The following CRYBG1 variants were observed in gnomAD, a reference collection of about 807,000 sequenced individuals.
The protein encoded by CRYBG1 is beta/gamma crystallin domain-containing protein 1.
A neutral mutation model predicts 189.2 loss-of-function variants in CRYBG1; 139 were observed. The observed-to-expected ratio is 0.73, with a 90% CI of 0.64 to 0.85. CRYBG1 has a LOEUF of 0.85. Ranked by LOEUF, CRYBG1 falls within the 40% of genes least tolerant of loss-of-function variation. The pLI, the probability that CRYBG1 is intolerant of heterozygous loss-of-function variation, is 0.00. For synonymous variants in CRYBG1, 1,023 were observed against 1,017.1 expected, an observed-to-expected ratio of 1.01 and a Z score of -0.11; for missense variants, 2,611 against 2,675.8, an observed-to-expected ratio of 0.98 and a Z score of 0.53.
At chr6:106,499,962 C>G (rs942706392) in intron 2 of CRYBG1, among the ~76,000 whole-genome samples, 4 of 152,116 alleles carry the variant, frequency 2.6e-5, no homozygotes, top group Non-Finnish European at 5.9e-5. Context: ...GCACAGTGTC[C>G]TCCAGGTTCA....
intron 1 of CRYBG1, among the ~76,000 whole-genome samples, chr6:106,433,727 A>ATATATATG (rs1771385163): frequency 3.7e-5 from 2 of 54,076 alleles, no homozygotes; most frequent in African/African-American, 2.3e-4. Context: ...AAATATATAT[A>ATATATATG]TATATATACA....
rs1487521923 is a variant in CRYBG1 at position 106,558,515 on chromosome 6, T to C, written c.5745T>C (p.Phe1915=). The C allele has an allele frequency of 3.1e-6, 5 of 1,607,762 alleles. No homozygotes were observed. Among genetic ancestry groups the C allele is most frequent in the Non-Finnish European group, 4.3e-6 (5 of 1,175,830 alleles). Residue 1915 remains phenylalanine, a synonymous_variant, in exon 18 of 22, where the codon TTT becomes TTC. Coordinates refer to ENST00000633556, the MANE Select transcript of CRYBG1 (RefSeq NM_001371242.2). ...TTTCTGAACCAACAATTATTCTCTT[T>C]GAAAGAGAAGACTTCAAAGGAAAAA... The part of the protein sequence containing the change: ...VEFSEPTIIL[F]EREDFKGKKI...
intron 13 of CRYBG1, among the ~76,000 whole-genome samples, chr6:106,547,555 T>A (rs1774294151): frequency 6.6e-6 from 1 of 152,164 alleles, no homozygotes; most frequent in Non-Finnish European, 1.5e-5. Flanking sequence ...GGAGGAGGAC[T>A]ACCTATTCAC....
At chr6:106,418,099 G>A (rs1352597675) in intron 1 of CRYBG1, among the ~76,000 whole-genome samples, 2 of 152,248 alleles carry the variant, frequency 1.3e-5, no homozygotes, top group Non-Finnish European at 2.9e-5. Flanking sequence ...AAAACAGTGA[G>A]CAAAGCAGAA....
At chr6:106,450,958 A>C (rs1771771094) in intron 1 of CRYBG1, among the ~76,000 whole-genome samples, 1 of 152,232 alleles carries the variant, frequency 6.6e-6, no homozygotes, top group Non-Finnish European at 1.5e-5. Flanking sequence ...TGCCTAAATC[A>C]GTTACTGGTG....
At chr6:106,566,166 T>TG (rs1489566471) in intron 21 of CRYBG1, among the ~76,000 whole-genome samples, 3 of 108,136 alleles carry the variant, frequency 2.8e-5, no homozygotes, top group East Asian at 2.8e-4. Flanking sequence ...GGCACCAGCG[T>TG]GAAAAAAAAA....
intron 2 of CRYBG1, among the ~76,000 whole-genome samples, chr6:106,505,987 T>G (rs1773124467): frequency 6.6e-6 from 1 of 152,070 alleles, no homozygotes; most frequent in Non-Finnish European, 1.5e-5. Flanking sequence ...GATGCACAGG[T>G]GAGTACATGT....
chr6:106,555,481 G>C (rs567791935), intron 16 of CRYBG1, among the ~76,000 whole-genome samples: 4 of 152,116 alleles, frequency 2.6e-5, no homozygotes, highest in African/African-American at 9.7e-5. Flanking sequence ...CTGGGCAAAC[G>C]GTGGCACCCA....
intron 2 of CRYBG1, among the ~76,000 whole-genome samples, chr6:106,461,702 T>C (rs1562313648): frequency 6.6e-6 from 1 of 152,290 alleles, no homozygotes; most frequent in East Asian, 1.9e-4. Flanking sequence ...GGGGTGCACA[T>C]GTAGCTCCGG....
rs113141535 is a variant in CRYBG1 at position 106,570,010 on chromosome 6, G to GCAAA, written c.*1450_*1453dup. ...TCAACTGCAGTAAGCATTTCAAAATGCAAACAAACTGCTTAACAACTGACA... is the reference window on the plus strand; with the variant it reads ...TCAACTGCAGTAAGCATTTCAAAATGCAAACAAACAAACTGCTTAACAACTGACA... On this transcript the variant is annotated 3_prime_UTR_variant, in exon 22 of 22. Coordinates refer to ENST00000633556, the MANE Select transcript of CRYBG1 (RefSeq NM_001371242.2). 3.9e-5 allele frequency: 6 copies of GCAAA among 152,168 alleles called. No homozygotes were observed. Among genetic ancestry groups the GCAAA allele is most frequent in the African/African-American group, 1.4e-4 (6 of 41,430 alleles). The allele number at this position is 152,168 out of a possible 1,614,324, so 9.4% of individuals were successfully genotyped here.
In CRYBG1 at chr6:106,447,416, A is replaced by C. The variant is rs186175210; in HGVS notation, c.174-4278A>C. ...TATAGTGATAATAATGTAATTGTAC[A>C]CTTAAAAATAACTAAAAGAATATAA... is the stretch of plus-strand genomic sequence containing the variant. On this transcript the variant is annotated intron_variant, in intron 1 of 21. Transcript: ENST00000633556. Among the ~76,000 whole-genome samples, 342 of 152,234 alleles carry C rather than the reference A, an allele frequency of 2.2e-3. 1 individual carries two copies. The highest frequency in any genetic ancestry group is 7.8e-3 in the African/African-American group (322 of 41,542).
chr6:106,492,073 C>A (rs367945563), intron 2 of CRYBG1, among the ~76,000 whole-genome samples: 5 of 152,140 alleles, frequency 3.3e-5, no homozygotes, highest in Admixed American at 2.0e-4. Context: ...TGTGTTCTTC[C>A]TGTGGTCTTC....
chr6:106,361,052 C>T lies in CRYBG1; in HGVS notation c.144C>T (p.His48=), dbSNP rs982023585. 5 of 1,534,832 alleles carry T rather than the reference C, an allele frequency of 3.3e-6. No homozygotes were observed. The highest frequency in any genetic ancestry group is 1.4e-5 in the African/African-American group (1 of 72,968). ...APPDCGVFVP[H]PLPAPAGEAR... The stretch of plus-strand genomic sequence containing the variant: ...CTGACTGTGGGGTGTTCGTTCCGCA[C>T]CCGCTCCCGGCGCCTGCCGGAGAGG... The change falls in exon 1 of 22, where the codon CAC becomes CAT. Residue 48 remains histidine (H), a synonymous_variant. Coordinates refer to ENST00000633556, the MANE Select transcript of CRYBG1 (RefSeq NM_001371242.2).
intron 1 of CRYBG1, among the ~76,000 whole-genome samples, chr6:106,418,910 C>T (rs969371373): frequency 6.6e-6 from 1 of 152,188 alleles, no homozygotes; most frequent in African/African-American, 2.4e-5. Flanking sequence ...TATAGACTGG[C>T]TTGAGGAGGC....
At chr6:106,497,955 G>A (rs576564747) in intron 2 of CRYBG1, among the ~76,000 whole-genome samples, 1 of 152,230 alleles carries the variant, frequency 6.6e-6, no homozygotes, top group South Asian at 2.1e-4. Context: ...ATTAAAAATA[G>A]CTGGGCGTGG....
intron 10 of CRYBG1, among the ~76,000 whole-genome samples, chr6:106,542,371 T>C (rs1774153580): frequency 6.6e-6 from 1 of 150,424 alleles, no homozygotes; most frequent in Non-Finnish European, 1.5e-5. Context: ...AAGCCTCGAT[T>C]TCTCCAGCTC....
chr6:106,431,483 C>T (rs1771325815), intron 1 of CRYBG1, among the ~76,000 whole-genome samples: 1 of 151,962 alleles, frequency 6.6e-6, no homozygotes, highest in Non-Finnish European at 1.5e-5. Context: ...GCTCAAGCCC[C>T]CCAGTTCTAA....
At chr6:106,445,429 C>G (rs910371655) in intron 1 of CRYBG1, among the ~76,000 whole-genome samples, 1 of 152,176 alleles carries the variant, frequency 6.6e-6, no homozygotes, top group African/African-American at 2.4e-5. Flanking sequence ...GGTTGGGTCA[C>G]TAGATTATCT....
At chr6:106,472,332 C>G (rs939697153) in intron 2 of CRYBG1, among the ~76,000 whole-genome samples, 2 of 152,084 alleles carry the variant, frequency 1.3e-5, no homozygotes, top group African/African-American at 4.8e-5. Flanking sequence ...AAGTATAACA[C>G]TTGGCTGTCT....
Sources: gnomAD v4.1 joint callset for allele counts (sites outside exome capture counted in the v4.1 genomes callset) on GRCh38, gnomAD v4.1.1 for gene constraint, MANE v1.5 for transcripts, NCBI Gene and HGNC (gene_info 2026-07-23, HGNC 2026-07-21) for gene names.